The following EVL variants were observed in gnomAD, a reference collection of about 807,000 sequenced individuals.
EVL encodes the protein Enah/Vasp-like.
Under a neutral mutation model 59.6 loss-of-function variants are expected in EVL, and 21 were observed. The ratio of observed to expected loss-of-function variants is 0.35; its 90% CI spans 0.25 to 0.51. The LOEUF is 0.51. EVL is among the 20% of genes least tolerant of loss of function. EVL has a pLI of 0.97. For synonymous variants in EVL, 198 were observed against 203.5 expected (o/e 0.97, Z 0.23); for missense variants, 462 against 546.6 (o/e 0.85, Z 1.54).
rs188104553 is a variant in EVL, at chr14:100,114,572, C to G, written c.359-8967C>G. 2 of 152,516 alleles carry G rather than the reference C, an allele frequency of 1.3e-5. No individual in the cohort carries two copies. The highest frequency in any genetic ancestry group is 3.9e-4 in the East Asian group (2 of 5,188). 9.4% of individuals were successfully genotyped at this position (152,516 alleles called of 1,614,324 possible). On this transcript the variant is annotated intron_variant, in intron 3 of 13. Transcript: ENST00000392920. The surrounding 1 kb of genome is among the most constrained non-coding windows in gnomAD (Gnocchi z 5.0). Reference sequence around the variant, plus strand: ...CGTATCAGTTACCCACTGCACCAGCCAGGCGACAGAGGAGAAGAGGTAAGT... The same window carrying G: ...CGTATCAGTTACCCACTGCACCAGCGAGGCGACAGAGGAGAAGAGGTAAGT...
intron 1 of EVL, among the ~76,000 whole-genome samples, chr14:100,058,182 A>G (rs2085859005): frequency 6.6e-6 from 1 of 152,220 alleles, no homozygotes; most frequent in South Asian, 2.1e-4. Context: ...AGTGTCTTCT[A>G]GTATAGCTCT....
chr14:100,061,184 A>C (rs576321309), upstream of EVL, among the ~76,000 whole-genome samples: 251 of 152,196 alleles, frequency 1.6e-3, 1 homozygote, highest in Admixed American at 2.5e-3. Flanking sequence ...TGAGACCAGG[A>C]GTTTGAGACC....
At position 100,127,100 on chromosome 14, in the gene EVL, T is replaced by C. The variant is rs911703524; in HGVS notation, c.487+329T>C. Reference sequence around the variant, plus strand: ...CAGTTCCTGCCCTCAGGAAGCCCGCTGTCCACTCAAGGAGACAGTGAACCC... The same window carrying C: ...CAGTTCCTGCCCTCAGGAAGCCCGCCGTCCACTCAAGGAGACAGTGAACCC... On this transcript the variant is annotated intron_variant, in intron 5 of 13. Coordinates refer to ENST00000392920, the MANE Select transcript of EVL (RefSeq NM_016337.3). This position sits in a 1 kb window ranked among gnomAD's most constrained non-coding sequence, Gnocchi z 4.2. Among the ~76,000 whole-genome samples, 1 of 152,238 alleles carries C rather than the reference T, an allele frequency of 6.6e-6. No individual in the cohort carries two copies. The highest frequency in any genetic ancestry group is 2.4e-5 in the African/African-American group (1 of 41,466).
intron 1 of EVL, among the ~76,000 whole-genome samples, chr14:100,000,340 C>CTTT (rs60864913): frequency 3.8e-3 from 383 of 99,838 alleles, no homozygotes; most frequent in Non-Finnish European, 5.4e-3. Context: ...CTGTTGCATT[C>CTTT]TTTTTTTTTT....
chr14:99,997,593 CAG>C (rs1208937431), intron 1 of EVL, among the ~76,000 whole-genome samples: 2 of 152,148 alleles, frequency 1.3e-5, no homozygotes, highest in Non-Finnish European at 2.9e-5. Flanking sequence ...GGTCTGAAGT[CAG>C]TGTTTTGAGG....
intron 1 of EVL, among the ~76,000 whole-genome samples, chr14:99,973,070 C>G (rs907211884): frequency 6.6e-6 from 1 of 152,132 alleles, no homozygotes; most frequent in Non-Finnish European, 1.5e-5. Context: ...TTAGTTGTTT[C>G]TAGCTTTGTT....
intron 1 of EVL, among the ~76,000 whole-genome samples, chr14:99,980,223 CTT>C (rs2060797578): frequency 6.6e-6 from 1 of 152,110 alleles, no homozygotes. Context: ...GAGATGGAGA[CTT>C]AAATTATATT....
intron 1 of EVL, among the ~76,000 whole-genome samples, chr14:100,067,387 G>A (rs1296191994): frequency 6.6e-6 from 1 of 152,218 alleles, no homozygotes; most frequent in African/African-American, 2.4e-5. Context: ...GACTGGATTA[G>A]GAGCTGGGAA....
intron 1 of EVL, among the ~76,000 whole-genome samples, chr14:100,083,951 C>T (rs574992385): frequency 1.3e-5 from 2 of 152,140 alleles, no homozygotes; most frequent in South Asian, 4.1e-4. Context: ...GTCTCTGAGC[C>T]ACTTTTTTCT....
At chr14:100,071,742 C>T (rs1004782909) in intron 1 of EVL, among the ~76,000 whole-genome samples, 1 of 152,052 alleles carries the variant, frequency 6.6e-6, no homozygotes, top group Non-Finnish European at 1.5e-5. Context: ...GGTGGCGGTT[C>T]CCCCTGGTAG....
At chr14:99,993,078 G>C (rs12879619) in intron 1 of EVL, among the ~76,000 whole-genome samples, 1 of 129,036 alleles carries the variant, frequency 7.7e-6, no homozygotes, top group African/African-American at 3.2e-5. Context: ...TTTTTTTTGA[G>C]ACGGAGTCTT....
chr14:100,127,664 C>G lies in EVL; in HGVS notation c.488-855C>G, dbSNP rs1020085183. ...CCTCCTTCCTCACACTTGCCTCCCC[C>G]CTTCACCTAACTGAACCCCTGCTCT... On this transcript the variant is annotated intron_variant, in intron 5 of 13. Coordinates refer to ENST00000392920, the MANE Select transcript of EVL (RefSeq NM_016337.3). This position sits in a 1 kb window ranked among gnomAD's most constrained non-coding sequence, Gnocchi z 4.2. Among the ~76,000 whole-genome samples the G allele has an allele frequency of 2.0e-5, 3 of 152,206 alleles. No homozygotes were observed. Among genetic ancestry groups the G allele is most frequent in the Non-Finnish European group, 4.4e-5 (3 of 68,042 alleles).
chr14:99,976,489 GTC>G (rs2060771034), intron 1 of EVL, among the ~76,000 whole-genome samples: 1 of 150,136 alleles, frequency 6.7e-6, no homozygotes, highest in South Asian at 2.1e-4. Flanking sequence ...TGTTTCCAGT[GTC>G]TGTTTCTGTT....
chr14:100,080,554 A>T (rs753498968), intron 1 of EVL, among the ~76,000 whole-genome samples: 13 of 152,206 alleles, frequency 8.5e-5, no homozygotes, highest in Non-Finnish European at 1.6e-4. Flanking sequence ...GTGCAGTCTG[A>T]AGCTTTAAGA....
At chr14:100,071,948 GAAAA>G (rs1230354376) in intron 1 of EVL, among the ~76,000 whole-genome samples, 1 of 150,270 alleles carries the variant, frequency 6.7e-6, no homozygotes, top group Non-Finnish European at 1.5e-5. Flanking sequence ...TGCCCATTAA[GAAAA>G]AAAAATGGCA....
At chr14:100,099,742 T>A (rs1044051986) in intron 3 of EVL, among the ~76,000 whole-genome samples, 8 of 145,706 alleles carry the variant, frequency 5.5e-5, no homozygotes, top group East Asian at 1.9e-4. Context: ...TTTTTTTTTT[T>A]TAATTTTATT....
intron 3 of EVL, chr14:100,107,375 G>T (rs142763582): frequency 2.5e-6 from 1 of 398,320 alleles, no homozygotes; most frequent in African/African-American, 2.1e-5. Context: ...CTAGGCCGGG[G>T]TAGGGCCAGT....
intron 1 of EVL, among the ~76,000 whole-genome samples, chr14:100,017,975 G>A (rs1056757402): frequency 2.6e-5 from 4 of 152,214 alleles, no homozygotes; most frequent in Non-Finnish European, 4.4e-5. Context: ...ACCTTCGTGC[G>A]AATGCATGTA....
chr14:100,027,697 CAG>C (rs1342258249), intron 1 of EVL, among the ~76,000 whole-genome samples: 16 of 151,852 alleles, frequency 1.1e-4, no homozygotes, highest in Non-Finnish European at 1.8e-4. Context: ...TTTGTTTAGA[CAG>C]AGTCTTGCTC....
Sources: gnomAD v4.1 joint callset for allele counts (sites outside exome capture counted in the v4.1 genomes callset) on GRCh38, gnomAD v4.1.1 for gene constraint, Gnocchi (gnomAD v3.1) non-coding constraint, MANE v1.5 for transcripts, NCBI Gene and HGNC (gene_info 2026-07-23, HGNC 2026-07-21) for gene names.